PREX1: variants seen among roughly 807,000 people sequenced by gnomAD.
The protein encoded by PREX1 is phosphatidylinositol-3,4,5-trisphosphate dependent Rac exchange factor 1, also known as phosphatidylinositol 3,4,5-trisphosphate-dependent Rac exchanger 1 protein.
PREX1 carries 41 observed loss-of-function variants against 198.3 expected under a neutral mutation model. The ratio of observed to expected loss-of-function variants is 0.21; its 90% CI spans 0.16 to 0.27. The LOEUF (loss-of-function observed/expected upper bound fraction) is 0.27, where lower values mean the gene tolerates loss of function less well. Ranked by LOEUF, PREX1 falls within the 10% of genes least tolerant of loss-of-function variation. PREX1 has a pLI of 1.00. For missense variants in PREX1, 1,620 were observed against 2,200.7 expected, an observed-to-expected ratio of 0.74 and a Z score of 5.28; for synonymous variants, 843 against 887.2, an observed-to-expected ratio of 0.95 and a Z score of 0.89.
At chr20:48,884,051 A>G in the PREX1 span, among the ~76,000 whole-genome samples, 207 of 151,546 alleles carry the variant, frequency 1.4e-3, no homozygotes, top group Non-Finnish European at 2.2e-3. Flanking sequence ...GAGGCAGGAG[A>G]ACGGCCGTGA....
intron 5 of PREX1, among the ~76,000 whole-genome samples, chr20:48,718,408 A>C (rs1310035569): frequency 6.6e-6 from 1 of 152,250 alleles, no homozygotes; most frequent in Non-Finnish European, 1.5e-5. Context: ...TAAAAATAAA[A>C]TAAATAAAGG....
chr20:48,866,928 C>CA, the PREX1 span, among the ~76,000 whole-genome samples: 7 of 150,756 alleles, frequency 4.6e-5, no homozygotes, highest in South Asian at 2.1e-4. Flanking sequence ...GATCCTATCT[C>CA]AAAAAAAAAG....
chr20:48,671,007 C>T (rs1204653360), intron 14 of PREX1, among the ~76,000 whole-genome samples: 1 of 152,244 alleles, frequency 6.6e-6, no homozygotes, highest in African/African-American at 2.4e-5. Flanking sequence ...AGTTGTCTCT[C>T]CAACGGCCAA....
chr20:48,827,573 G>A lies in PREX1; in HGVS notation c.219+69C>T, dbSNP rs1158998349. On this transcript the variant is annotated intron_variant, in intron 1 of 39. Transcript: ENST00000371941. The surrounding 1 kb of genome is among the most constrained non-coding windows in gnomAD (Gnocchi z 4.1). ...CCACCCACGGGGACCACGGCCACAG[G>A]TTGTGGGGACCGCAGCGGGGCGAGC... is the stretch of plus-strand genomic sequence containing the variant. 2.7e-6 allele frequency: 3 copies of A among 1,124,302 alleles called. No homozygotes were observed. The highest frequency in any genetic ancestry group is 3.6e-5 in the East Asian group (1 of 27,590). The allele number at this position is 1,124,302 out of a possible 1,614,324, so 69.6% of individuals were successfully genotyped here.
At chr20:48,729,410 T>C (rs891965522) in intron 4 of PREX1, among the ~76,000 whole-genome samples, 1 of 152,036 alleles carries the variant, frequency 6.6e-6, no homozygotes, top group Non-Finnish European at 1.5e-5. Context: ...TTTCTTTATA[T>C]TGAAAACACT....
chr20:48,877,533 T>C, the PREX1 span, among the ~76,000 whole-genome samples: 3 of 152,172 alleles, frequency 2.0e-5, no homozygotes, highest in Non-Finnish European at 2.9e-5. Flanking sequence ...TAGAAATGCT[T>C]AAACTGGCTC....
At chr20:48,652,789 G>A in intron 20 of PREX1, 83 bp from the exon 21 acceptor site, 1 of 1,453,876 alleles carries the variant, frequency 6.9e-7, no homozygotes, top group South Asian at 1.3e-5. Context: ...AACTGCCCCT[G>A]GGTTCCAGAG....
intron 11 of PREX1, 80 bp downstream of exon 11, chr20:48,681,155 T>C (rs779064537): frequency 8.2e-6 from 10 of 1,212,612 alleles, no homozygotes; most frequent in Admixed American, 1.7e-5. Context: ...AGGAGCTGCC[T>C]GAGCTAGTGG....
chr20:48,671,783 C>A (rs564467112), intron 14 of PREX1, among the ~76,000 whole-genome samples: 1 of 152,182 alleles, frequency 6.6e-6, no homozygotes, highest in Non-Finnish European at 1.5e-5. Flanking sequence ...TTCCCTGACC[C>A]AAGCCGAAGG....
chr20:48,809,682 G>A (rs544014211), intron 1 of PREX1, among the ~76,000 whole-genome samples: 2 of 152,296 alleles, frequency 1.3e-5, no homozygotes, highest in South Asian at 4.1e-4. Flanking sequence ...CCACCAATAG[G>A]CTGCCCAAGA....
At chr20:48,701,688 T>C (rs150659964) in intron 6 of PREX1, among the ~76,000 whole-genome samples, 267 of 152,300 alleles carry the variant, frequency 1.8e-3, no homozygotes, top group Non-Finnish European at 3.1e-3. Flanking sequence ...TGGCACACAG[T>C]AGGTGCTCAA....
At chr20:48,630,369 A>G (rs1218256503) in intron 36 of PREX1, among the ~76,000 whole-genome samples, 1 of 152,252 alleles carries the variant, frequency 6.6e-6, no homozygotes, top group African/African-American at 2.4e-5. Flanking sequence ...TTTTTATGGG[A>G]AATCTTTTGA....
At chr20:48,649,218 T>G (rs2089473079) in intron 25 of PREX1, 82 bp downstream of exon 25, 1 of 1,538,698 alleles carries the variant, frequency 6.5e-7, no homozygotes, top group Non-Finnish European at 8.8e-7. Flanking sequence ...CTACAAAGAA[T>G]GATGCTACCC....
intron 3 of PREX1, among the ~76,000 whole-genome samples, chr20:48,740,054 G>A (rs559866752): frequency 6.6e-6 from 1 of 152,340 alleles, no homozygotes; most frequent in East Asian, 1.9e-4. Flanking sequence ...CATCTGATCA[G>A]TTAGGTGACA....
Position 48,692,738 on chromosome 20 carries a change from G to A in PREX1, c.970C>T (p.Leu324Phe). The A allele has an allele frequency of 6.2e-7, 1 of 1,614,096 alleles. No individual in the cohort carries two copies. Among genetic ancestry groups the A allele is most frequent in the African/African-American group, 1.3e-5 (1 of 74,992 alleles). ...TKRTKSINGSLYIFRGRINTE... is the reference protein window; with the variant it reads ...TKRTKSINGSFYIFRGRINTE... The stretch of plus-strand genomic sequence containing the variant: ...TTGATTCGACCCCTGAAGATGTAGA[G>A]GGAGCCGTTGATGGATTTGGTCCTC... Residue 324 changes from leucine to phenylalanine, a missense_variant, in exon 8 of 40, where the codon CTC (leucine) becomes TTC (phenylalanine). Coordinates refer to ENST00000371941, the MANE Select transcript of PREX1 (RefSeq NM_020820.4).
At position 48,658,088 on chromosome 20, in the gene PREX1, G is replaced by A. The variant is rs376316317; in HGVS notation, c.1974+48C>T. 3.2e-4 allele frequency: 496 copies of A among 1,560,464 alleles called. 3 individuals carry two copies. Among genetic ancestry groups the A allele is most frequent in the South Asian group, 2.5e-3 (219 of 86,764 alleles). On this transcript the variant is annotated intron_variant, in intron 17 of 39. Coordinates refer to ENST00000371941, the MANE Select transcript of PREX1 (RefSeq NM_020820.4). Reference sequence around the variant, plus strand: ...CAAGGAGGGTGAAGAGAGACACCCCGCTCTGCCACCTGCACACGGTCCCTG... The same window carrying A: ...CAAGGAGGGTGAAGAGAGACACCCCACTCTGCCACCTGCACACGGTCCCTG...
At chr20:48,736,223 C>T (rs117927489) in intron 3 of PREX1, among the ~76,000 whole-genome samples, 1 of 152,114 alleles carries the variant, frequency 6.6e-6, no homozygotes, top group Non-Finnish European at 1.5e-5. Context: ...TAAACACAAT[C>T]GACAAACATG....
intron 14 of PREX1, among the ~76,000 whole-genome samples, chr20:48,667,410 T>TC (rs1431625767): frequency 5.3e-5 from 8 of 151,440 alleles, no homozygotes; most frequent in South Asian, 2.1e-4. Context: ...AAAAACATCT[T>TC]CCCCCCCAGG....
At chr20:48,625,954 G>A in intron 39 of PREX1, 27 bp from the exon 40 acceptor site, 2 of 1,537,276 alleles carry the variant, frequency 1.3e-6, no homozygotes, top group Middle Eastern at 1.7e-4. Flanking sequence ...AGAGAATGAG[G>A]AGAGGCCGGG....
Sources: gnomAD v4.1 joint callset for allele counts (sites outside exome capture counted in the v4.1 genomes callset) on GRCh38, gnomAD v4.1.1 for gene constraint, Gnocchi (gnomAD v3.1) non-coding constraint, MANE v1.5 for transcripts, NCBI Gene and HGNC (gene_info 2026-07-23, HGNC 2026-07-21) for gene names.